ROBO2: variants seen among roughly 807,000 people sequenced by gnomAD.
ROBO2 encodes the protein roundabout guidance receptor 2.
Under a neutral mutation model 160.8 loss-of-function variants are expected in ROBO2, and 53 were observed. That is an observed-to-expected ratio of 0.33 (90% CI 0.26 to 0.41). The LOEUF (loss-of-function observed/expected upper bound fraction) is 0.41, where lower values mean the gene tolerates loss of function less well. Among genes scored for constraint, ROBO2 ranks in the 10% least tolerant of loss-of-function variants. The pLI, the probability that ROBO2 is intolerant of heterozygous loss-of-function variation, is 1.00. For synonymous variants in ROBO2, 664 were observed against 611.7 expected, an observed-to-expected ratio of 1.09 and a Z score of -1.26; for missense variants, 1,577 against 1,722.4, an observed-to-expected ratio of 0.92 and a Z score of 1.49.
At chr3:77,175,573 T>C (rs1210505744) in intron 2 of ROBO2, among the ~76,000 whole-genome samples, 2 of 151,922 alleles carry the variant, frequency 1.3e-5, no homozygotes, top group East Asian at 1.9e-4. Context: ...AAATGGATAA[T>C]CATTTAGAAG....
intron 24 of ROBO2, among the ~76,000 whole-genome samples, chr3:77,641,368 C>T (rs1420381092): frequency 6.6e-6 from 1 of 152,170 alleles, no homozygotes; most frequent in Non-Finnish European, 1.5e-5. Context: ...AGATTAGTAT[C>T]ACTTTGCTCA....
intron 18 of ROBO2, 50 bp from the exon 20 acceptor site, chr3:77,596,573 A>T (rs2094308553): frequency 6.2e-7 from 1 of 1,612,144 alleles, no homozygotes; most frequent in Non-Finnish European, 8.5e-7. Flanking sequence ...CGAGTGTCAA[A>T]ATCTTGCATT....
At chr3:77,129,528 G>A (rs2075656425) in intron 2 of ROBO2, among the ~76,000 whole-genome samples, 1 of 152,192 alleles carries the variant, frequency 6.6e-6, no homozygotes, top group Non-Finnish European at 1.5e-5. Flanking sequence ...CCTGCAAAAA[G>A]TTGTCGAGAT....
At chr3:75,971,461 T>G (rs2064990092) in intron 2 of ROBO2, among the ~76,000 whole-genome samples, 1 of 151,520 alleles carries the variant, frequency 6.6e-6, no homozygotes, top group African/African-American at 2.4e-5. Flanking sequence ...GTGGCAAAAC[T>G]TTGGTCAAGC....
chr3:77,513,055 C>A (rs564171344), intron 5 of ROBO2, among the ~76,000 whole-genome samples: 16 of 151,894 alleles, frequency 1.1e-4, no homozygotes, highest in African/African-American at 3.6e-4. Flanking sequence ...AACAAAGGTG[C>A]TTTTGAGATG....
intron 2 of ROBO2, among the ~76,000 whole-genome samples, chr3:76,382,253 C>A (rs1013007739): frequency 3.3e-5 from 5 of 152,150 alleles, no homozygotes; most frequent in Non-Finnish European, 5.9e-5. Flanking sequence ...CAGGCATGAG[C>A]CACAGCGCTC....
At chr3:76,939,978 G>A (rs1384458013) in intron 2 of ROBO2, among the ~76,000 whole-genome samples, 5 of 81,460 alleles carry the variant, frequency 6.1e-5, no homozygotes, top group African/African-American at 2.1e-4. Context: ...AAAGCAACAG[G>A]ATTTTTTTTT....
chr3:76,478,631 C>T (rs2079055609), intron 2 of ROBO2, among the ~76,000 whole-genome samples: 1 of 150,938 alleles, frequency 6.6e-6, no homozygotes, highest in Non-Finnish European at 1.5e-5. Flanking sequence ...GTGCATTAAA[C>T]AGTTGCATAC....
intron 2 of ROBO2, among the ~76,000 whole-genome samples, chr3:76,298,256 G>C (rs1173605343): frequency 2.6e-5 from 4 of 152,110 alleles, no homozygotes; most frequent in Non-Finnish European, 5.9e-5. Context: ...GATTGTACAA[G>C]GGTGAGGGAG....
intron 2 of ROBO2, among the ~76,000 whole-genome samples, chr3:76,573,571 A>G (rs1241962510): frequency 6.6e-6 from 1 of 151,182 alleles, no homozygotes; most frequent in Non-Finnish European, 1.5e-5. Context: ...CTTATATCTA[A>G]TTTTGTAACA....
At chr3:77,227,837 A>G (rs2086669486) in intron 2 of ROBO2, among the ~76,000 whole-genome samples, 1 of 152,228 alleles carries the variant, frequency 6.6e-6, no homozygotes. Flanking sequence ...CAGTCAAAAT[A>G]GTGAAACTAG....
At chr3:76,001,947 T>G (rs1224975802) in intron 2 of ROBO2, among the ~76,000 whole-genome samples, 2 of 152,228 alleles carry the variant, frequency 1.3e-5, no homozygotes, top group Non-Finnish European at 2.9e-5. Context: ...GAGTTTAAAA[T>G]CATAGATTGA....
At chr3:77,391,317 AT>A (rs1337527002) in intron 2 of ROBO2, among the ~76,000 whole-genome samples, 5 of 151,948 alleles carry the variant, frequency 3.3e-5, no homozygotes, top group African/African-American at 1.2e-4. Flanking sequence ...TTTTTAAGAA[AT>A]TTTTTTGAGA....
chr3:76,480,040 AAGGAGGATG>A (rs1316406224), intron 2 of ROBO2, among the ~76,000 whole-genome samples: 1 of 57,232 alleles, frequency 1.7e-5, no homozygotes, highest in Non-Finnish European at 4.3e-5. Context: ...AAGGAGGAAG[AAGGAGGATG>A]AGGAGGAGCT....
intron 2 of ROBO2, among the ~76,000 whole-genome samples, chr3:77,276,222 A>AAC (rs2059817205): frequency 3.3e-5 from 5 of 151,832 alleles, no homozygotes; most frequent in African/African-American, 1.2e-4. Flanking sequence ...ACAAACAAAA[A>AAC]AAAAAAACAA....
intron 2 of ROBO2, among the ~76,000 whole-genome samples, chr3:76,815,418 C>T (rs1146009): frequency 0.26 from 39,285 of 150,060 alleles, 5,437 homozygotes; most frequent in East Asian, 0.44. Context: ...TCCCAGTCAA[C>T]AGCAAGAAAC....
At chr3:76,308,240 G>C (rs2071411837) in intron 2 of ROBO2, among the ~76,000 whole-genome samples, 1 of 151,850 alleles carries the variant, frequency 6.6e-6, no homozygotes, top group Non-Finnish European at 1.5e-5. Context: ...AGCTGGGCGT[G>C]GTGGTGGGCG....
intron 2 of ROBO2, among the ~76,000 whole-genome samples, chr3:75,968,282 T>G (rs1949191554): frequency 6.6e-6 from 1 of 151,478 alleles, no homozygotes; most frequent in African/African-American, 2.4e-5. Flanking sequence ...GAGTCTACAT[T>G]TATCATGTCC....
chr3:76,261,443 G>C (rs892122352), intron 2 of ROBO2, among the ~76,000 whole-genome samples: 2 of 151,500 alleles, frequency 1.3e-5, no homozygotes, highest in African/African-American at 4.8e-5. Context: ...CATTTTTTTG[G>C]GGGGGAACTA....
Sources: allele counts gnomAD v4.1 joint callset (sites outside exome capture counted in the v4.1 genomes callset), GRCh38; gene constraint gnomAD v4.1.1; transcripts MANE v1.5; gene names NCBI Gene and HGNC (gene_info 2026-07-23, HGNC 2026-07-21).